The following CACNG3 variants were observed in gnomAD, a reference collection of about 807,000 sequenced individuals.
The protein encoded by CACNG3 is calcium voltage-gated channel auxiliary subunit gamma 3.
A neutral mutation model predicts 28.5 loss-of-function variants in CACNG3; 3 were observed. That is an observed-to-expected ratio of 0.11 (90% CI 0.05 to 0.27). The LOEUF is 0.27. Ranked by LOEUF, CACNG3 falls within the 10% of genes least tolerant of loss-of-function variation. The pLI is 1.00. For missense variants in CACNG3, 236 were observed against 414.4 expected (o/e 0.57, Z 3.74); for synonymous variants, 174 against 162.2 (o/e 1.07, Z -0.55).
Position 24,276,176 on chromosome 16 carries a change from A to T in CACNG3, c.211+19211A>T, listed in dbSNP as rs1241388588. Among the ~76,000 whole-genome samples the T allele has an allele frequency of 2.6e-5, 4 of 152,354 alleles. No homozygotes were observed. In the East Asian group the frequency reaches 7.7e-4, roughly 29 times the overall value. Reference sequence around the variant, plus strand: ...ATCTATCTCTCTTCTCTTGAGCCAGACATTAAAGAGATTTTCAAAAGCGTA... The same window carrying T: ...ATCTATCTCTCTTCTCTTGAGCCAGTCATTAAAGAGATTTTCAAAAGCGTA... On this transcript the variant is annotated intron_variant, in intron 1 of 3. Transcript: ENST00000005284.
At chr16:24,315,067 C>A (rs368633678) in intron 1 of CACNG3, among the ~76,000 whole-genome samples, 1 of 152,144 alleles carries the variant, frequency 6.6e-6, no homozygotes, top group South Asian at 2.1e-4. Context: ...TAGCAGGGAA[C>A]AATGACCAGC....
chr16:24,306,423 A>G (rs2141362470), intron 1 of CACNG3, among the ~76,000 whole-genome samples: 1 of 152,310 alleles, frequency 6.6e-6, no homozygotes, highest in Non-Finnish European at 1.5e-5. Flanking sequence ...CAAAGCAGAG[A>G]GTTCTGGCAC....
At chr16:24,359,515 T>C (rs1265424708) in intron 3 of CACNG3, among the ~76,000 whole-genome samples, 2 of 152,256 alleles carry the variant, frequency 1.3e-5, no homozygotes, top group East Asian at 3.9e-4. Flanking sequence ...CAGCAAATTT[T>C]AGCCCTGTAC....
intron 1 of CACNG3, among the ~76,000 whole-genome samples, chr16:24,324,090 A>T (rs1357075355): frequency 6.6e-6 from 1 of 152,124 alleles, no homozygotes; most frequent in Admixed American, 6.5e-5. Flanking sequence ...TTTCTTATAT[A>T]CATTTTTTAT....
intron 2 of CACNG3, among the ~76,000 whole-genome samples, chr16:24,348,127 A>G (rs1447604726): frequency 1.3e-5 from 2 of 152,152 alleles, no homozygotes; most frequent in East Asian, 3.9e-4. Context: ...GCCAAGTGCA[A>G]TGGCTCACAC....
At chr16:24,334,225 T>G (rs1023411907) in intron 1 of CACNG3, among the ~76,000 whole-genome samples, 4 of 152,186 alleles carry the variant, frequency 2.6e-5, no homozygotes, top group Non-Finnish European at 5.9e-5. Flanking sequence ...AGCTCTAAGC[T>G]GGGCTTTTGG....
intron 1 of CACNG3, among the ~76,000 whole-genome samples, chr16:24,315,316 G>T (rs1899333391): frequency 6.6e-6 from 1 of 151,968 alleles, no homozygotes; most frequent in Non-Finnish European, 1.5e-5. Context: ...CCTAGGAAGG[G>T]ATGTTTGGAC....
chr16:24,321,726 T>A (rs1182425385), intron 1 of CACNG3, among the ~76,000 whole-genome samples: 2 of 152,234 alleles, frequency 1.3e-5, no homozygotes, highest in Admixed American at 6.5e-5. Flanking sequence ...CTCCTATCCA[T>A]GAAATTGTGA....
intron 3 of CACNG3, among the ~76,000 whole-genome samples, chr16:24,357,730 C>G (rs991536474): frequency 1.3e-5 from 2 of 152,230 alleles, no homozygotes; most frequent in Admixed American, 6.5e-5. Context: ...GAGGCACGCT[C>G]CTGTCACTGG....
rs74013186 is a variant in CACNG3 at position 24,354,757 on chromosome 16, C to T, written c.296-76C>T. ...CTTCCTGTGCTGCCTTCCTCTCAGGCACTCCTGCGCTTGCAATGGGAGGAC... is the reference window on the plus strand; with the variant it reads ...CTTCCTGTGCTGCCTTCCTCTCAGGTACTCCTGCGCTTGCAATGGGAGGAC... On this transcript the variant is annotated intron_variant, in intron 2 of 3. Coordinates refer to ENST00000005284, the MANE Select transcript of CACNG3 (RefSeq NM_006539.4). 2,399 of 1,448,398 alleles carry T rather than the reference C, an allele frequency of 1.7e-3. 31 individuals are homozygous for T. In the African/African-American group the frequency reaches 0.025, roughly 15 times the overall value. 89.7% of individuals were successfully genotyped at this position (1,448,398 alleles called of 1,614,324 possible). A position where few individuals can be genotyped will look rare whatever the true frequency, so the allele number is the denominator to read the frequency against.
intron 1 of CACNG3, among the ~76,000 whole-genome samples, chr16:24,331,215 A>G (rs921474666): frequency 6.6e-6 from 1 of 152,144 alleles, no homozygotes; most frequent in Non-Finnish European, 1.5e-5. Context: ...AAAACCCTCA[A>G]TAACCAAATA....
chr16:24,313,205 T>C, intron 1 of CACNG3, among the ~76,000 whole-genome samples: 1 of 152,214 alleles, frequency 6.6e-6, no homozygotes, highest in Non-Finnish European at 1.5e-5. Context: ...ACATATTCAT[T>C]AAAACATTCA....
chr16:24,303,232 T>C (rs539091105), intron 1 of CACNG3, among the ~76,000 whole-genome samples: 3 of 152,312 alleles, frequency 2.0e-5, no homozygotes, highest in Admixed American at 1.3e-4. Flanking sequence ...CAGACTCACC[T>C]ACCTTTCTGT....
intron 1 of CACNG3, among the ~76,000 whole-genome samples, chr16:24,271,657 C>T (rs1328301903): frequency 6.6e-6 from 1 of 152,182 alleles, no homozygotes; most frequent in African/African-American, 2.4e-5. Flanking sequence ...ATGTGCTAGA[C>T]CCTGTGTTGG....
Position 24,362,104 on chromosome 16 carries a change from T to C in CACNG3, c.*241T>C, listed in dbSNP as rs1388635424. 2.4e-6 allele frequency: 1 copy of C among 418,500 alleles called. No homozygotes were observed. Among genetic ancestry groups the C allele is most frequent in the East Asian group, 3.5e-5 (1 of 28,530 alleles). The allele number at this position is 418,500 out of a possible 1,614,324, so 25.9% of individuals were successfully genotyped here. On this transcript the variant is annotated 3_prime_UTR_variant, in exon 4 of 4. Transcript: ENST00000005284. ...CCTCTCTCTGTGTATCTGTGCCAGA[T>C]GTTTTCCTTTCTTCCTTCTTTACTG...
rs543828741 is a variant in CACNG3 at position 24,287,280 on chromosome 16, G to A, written c.211+30315G>A. Among the ~76,000 whole-genome samples the A allele has an allele frequency of 4.5e-4, 69 of 152,160 alleles. 1 individual carries two copies. Among genetic ancestry groups the A allele is most frequent in the Non-Finnish European group, 7.9e-4 (54 of 68,036 alleles). ...CACTTGTGATCCAAGCACTTTGGGA[G>A]GCCGAGGCGGGTGGATCACTTGAGG... On this transcript the variant is annotated intron_variant, in intron 1 of 3. Transcript: ENST00000005284.
At chr16:24,356,764 T>G (rs1248840289) in intron 3 of CACNG3, among the ~76,000 whole-genome samples, 1 of 152,178 alleles carries the variant, frequency 6.6e-6, no homozygotes, top group South Asian at 2.1e-4. Flanking sequence ...AAGGAGACTG[T>G]ATTAGTTTGT....
intron 1 of CACNG3, among the ~76,000 whole-genome samples, chr16:24,259,685 A>ATT (rs1898513607): frequency 3.9e-5 from 6 of 152,166 alleles, no homozygotes; most frequent in Admixed American, 3.9e-4. Flanking sequence ...TGAAAGAGAG[A>ATT]TTTGAGATGT....
chr16:24,262,108 C>T (rs1349064760), intron 1 of CACNG3, among the ~76,000 whole-genome samples: 2 of 152,158 alleles, frequency 1.3e-5, no homozygotes, highest in Non-Finnish European at 2.9e-5. Context: ...CTGCTCTACC[C>T]CTAAAACTTA....
Sources: gnomAD v4.1 joint callset for allele counts (sites outside exome capture counted in the v4.1 genomes callset) on GRCh38, gnomAD v4.1.1 for gene constraint, MANE v1.5 for transcripts, NCBI Gene and HGNC (gene_info 2026-07-23, HGNC 2026-07-21) for gene names.